PDXDC1: variants seen among roughly 807,000 people sequenced by gnomAD.
The protein encoded by PDXDC1 is pyridoxal dependent decarboxylase domain containing 1.
A neutral mutation model predicts 100.1 loss-of-function variants in PDXDC1; 42 were observed. The ratio of observed to expected loss-of-function variants is 0.42; its 90% confidence interval spans 0.33 to 0.54. PDXDC1 has a LOEUF of 0.54. Among genes scored for constraint, PDXDC1 ranks in the 20% least tolerant of loss-of-function variants. The pLI is 0.10. For missense variants in PDXDC1, 636 were observed against 979.2 expected, an observed-to-expected ratio of 0.65 and a Z score of 4.68; for synonymous variants, 260 against 371.7, an observed-to-expected ratio of 0.70 and a Z score of 3.46.
intron 1 of PDXDC1, among the ~76,000 whole-genome samples, chr16:14,979,802 CATTACTTACT>C (rs1242206765): frequency 6.6e-6 from 1 of 152,276 alleles, no homozygotes; most frequent in Non-Finnish European, 1.5e-5. Flanking sequence ...CATTCCTGAT[CATTACTTACT>C]GATAAGGACT....
intron 1 of PDXDC1, among the ~76,000 whole-genome samples, chr16:14,997,450 G>T (rs1029821095): frequency 2.0e-5 from 3 of 152,284 alleles, no homozygotes; most frequent in Admixed American, 1.3e-4. Context: ...TGAGGCAAGA[G>T]AATCACTTGA....
At chr16:15,085,871 A>G (rs2045898248) in intron 16 of PDXDC1, among the ~76,000 whole-genome samples, 2 of 152,212 alleles carry the variant, frequency 1.3e-5, no homozygotes, top group South Asian at 4.1e-4. Flanking sequence ...AAGTAAAGCA[A>G]CTTTATAGTT....
In PDXDC1 at chr16:15,047,449, A is replaced by G. The variant is rs1245329928; in HGVS notation, c.1399+17393A>G. 6 of 1,599,068 alleles carry G rather than the reference A, an allele frequency of 3.8e-6. No homozygotes were observed. The African/African-American group carries it at 4.0e-5, about 11-fold the overall frequency. On this transcript the variant is annotated intron_variant, in intron 16 of 16. Transcript: ENST00000535621. ...GAGCAGCGTAGATCTCACCTTCCAC[A>G]TTGAGCGTGGTCAGAAAAGGATTTT...
chr16:15,032,720 T>C (rs2043142953), intron 17 of PDXDC1, 141 bp from the exon 18 acceptor site: 1 of 572,542 alleles, frequency 1.7e-6, no homozygotes. Flanking sequence ...AGAAAGTTTG[T>C]GGTCTGGAGA....
At chr16:14,994,845 AG>A (rs1345465898) in intron 1 of PDXDC1, among the ~76,000 whole-genome samples, 1 of 152,288 alleles carries the variant, frequency 6.6e-6, no homozygotes, top group Non-Finnish European at 1.5e-5. Context: ...TTCCTTGAAG[AG>A]GTCGTTCACA....
the PDXDC1 span, among the ~76,000 whole-genome samples, chr16:15,145,389 C>T: frequency 6.6e-6 from 1 of 152,268 alleles, no homozygotes; most frequent in Admixed American, 6.5e-5. Context: ...TGTACTCCCA[C>T]AGCTGTGACG....
chr16:15,057,822 C>T (rs1201940170), intron 16 of PDXDC1, among the ~76,000 whole-genome samples: 1 of 152,190 alleles, frequency 6.6e-6, no homozygotes, highest in African/African-American at 2.4e-5. Flanking sequence ...TGGGTTCTGC[C>T]TGGGGCTGGT....
Position 15,036,280 on chromosome 16 carries a change from C to CA in PDXDC1, c.*6dup. On this transcript the variant is annotated 3_prime_UTR_variant, in exon 23 of 23. Coordinates refer to ENST00000396410, the MANE Select transcript of PDXDC1 (RefSeq NM_015027.4). Reference sequence around the variant, plus strand: ...GGACCGGAGAGCTTAAGATGAGACTCATTGTGTGGTTTGAGACTGTACTGA... The same window carrying CA: ...GGACCGGAGAGCTTAAGATGAGACTCAATTGTGTGGTTTGAGACTGTACTGA... 7 of 1,612,074 alleles carry CA rather than the reference C, an allele frequency of 4.3e-6. No homozygotes were observed. The highest frequency in any genetic ancestry group is 5.9e-6 in the Non-Finnish European group (7 of 1,178,666).
intron 3 of PDXDC1, among the ~76,000 whole-genome samples, chr16:14,999,935 A>G (rs1229095860): frequency 6.6e-6 from 1 of 152,288 alleles, no homozygotes; most frequent in Admixed American, 6.5e-5. Context: ...TGACTTGAAT[A>G]TAAATTGAAC....
At chr16:14,986,877 G>A (rs1969498875) in intron 1 of PDXDC1, among the ~76,000 whole-genome samples, 1 of 152,288 alleles carries the variant, frequency 6.6e-6, no homozygotes, top group South Asian at 2.1e-4. Context: ...CTCCTGAGTA[G>A]CTGGGACTAC....
the PDXDC1 span, among the ~76,000 whole-genome samples, chr16:15,148,803 G>A: frequency 7.9e-5 from 12 of 152,096 alleles, no homozygotes; most frequent in African/African-American, 2.9e-4. Context: ...CCTCTGCAGT[G>A]GGCGCTCGGG....
downstream of PDXDC1, among the ~76,000 whole-genome samples, chr16:15,143,750 A>G (rs1039122379): frequency 1.3e-5 from 2 of 152,184 alleles, no homozygotes; most frequent in Non-Finnish European, 2.9e-5. Flanking sequence ...CCCAATCCAC[A>G]ACAGAGGGAA....
At position 15,103,481 on chromosome 16, in the gene PDXDC1, G is replaced by A. The variant is rs1488505172; in HGVS notation, c.1400-35398G>A. The stretch of plus-strand genomic sequence containing the variant: ...CCAAGTCTCTATAGACCACCCCTTG[G>A]GTATATCTAATGTAAGTGATATTTA... On this transcript the variant is annotated intron_variant, in intron 16 of 16. Coordinates refer to the PDXDC1 transcript ENST00000535621. 9.9e-6 allele frequency: 6 copies of A among 608,594 alleles called. No individual in the cohort carries two copies. In the South Asian group the frequency reaches 1.2e-4, roughly 12 times the overall value. 37.7% of individuals were successfully genotyped at this position (608,594 alleles called of 1,614,324 possible).
chr16:15,039,038 G>A (rs754832548), downstream of PDXDC1, among the ~76,000 whole-genome samples: 28 of 152,178 alleles, frequency 1.8e-4, no homozygotes, highest in Non-Finnish European at 3.1e-4. Context: ...TCTGACTAAA[G>A]TCTGTGTTCC....
chr16:15,025,799 A>G (rs1389892734), intron 13 of PDXDC1: 2 of 152,658 alleles, frequency 1.3e-5, no homozygotes, highest in East Asian at 1.9e-4. Flanking sequence ...TGCCAAGGAC[A>G]TGGATGCTTA....
chr16:14,978,206 A>G (rs1319897667), intron 1 of PDXDC1, among the ~76,000 whole-genome samples: 3 of 152,288 alleles, frequency 2.0e-5, no homozygotes, highest in Non-Finnish European at 4.4e-5. Flanking sequence ...AACTTAGGAG[A>G]GTAGGAGTAG....
At chr16:15,131,470 G>A in intron 16 of PDXDC1, 10 of 1,607,482 alleles carry the variant, frequency 6.2e-6, no homozygotes, top group Non-Finnish European at 8.5e-6. Flanking sequence ...GCCAGGCCCT[G>A]GGGCGCCGCC....
At chr16:15,047,127 T>C (rs1191002244) in intron 16 of PDXDC1, 1 of 381,196 alleles carries the variant, frequency 2.6e-6, no homozygotes, top group Non-Finnish European at 4.8e-6. Context: ...AATGACTGCA[T>C]GGAGAGCTAC....
chr16:14,990,621 G>A (rs1467568983), intron 1 of PDXDC1, among the ~76,000 whole-genome samples: 25 of 152,390 alleles, frequency 1.6e-4, no homozygotes, highest in African/African-American at 6.0e-4. Context: ...AAACACGTGA[G>A]GGTCTATGGC....
Sources: allele counts gnomAD v4.1 joint callset (sites outside exome capture counted in the v4.1 genomes callset), GRCh38; gene constraint gnomAD v4.1.1; transcripts MANE v1.5; gene names NCBI Gene and HGNC (gene_info 2026-07-23, HGNC 2026-07-21).